The following RAD51 variants were observed in gnomAD, a reference collection of about 807,000 sequenced individuals.
RAD51 encodes DNA repair protein RAD51 homolog 1.
A neutral mutation model predicts 41.5 loss-of-function variants in RAD51; 14 were observed. That is an observed-to-expected ratio of 0.34 (90% CI 0.22 to 0.53). The LOEUF (loss-of-function observed/expected upper bound fraction) is 0.53. RAD51 is among the 20% of genes least tolerant of loss of function. The probability of loss-of-function intolerance (pLI) is 0.95; values close to 1 mark genes in which losing one functional copy is unlikely to be tolerated. For missense variants in RAD51, 234 were observed against 422.0 expected, an observed-to-expected ratio of 0.55 and a Z score of 3.90; for synonymous variants, 136 against 148.6, an observed-to-expected ratio of 0.92 and a Z score of 0.62.
intron 5 of RAD51, among the ~76,000 whole-genome samples, chr15:40,710,126 C>T (rs944936442): frequency 3.3e-5 from 5 of 151,250 alleles, no homozygotes; most frequent in South Asian, 2.1e-4. Flanking sequence ...CCTGTAGTCC[C>T]AGCTACTTGG....
chr15:40,706,143 A>C, intron 3 of RAD51, 34 bp from the exon 4 acceptor site: 2 of 1,498,846 alleles, frequency 1.3e-6, no homozygotes, highest in South Asian at 2.3e-5. Flanking sequence ...AAGGAATATT[A>C]TTTTGTTGAT....
chr15:40,729,963 A>C lies in RAD51; in HGVS notation c.885A>C (p.Ala295=), dbSNP rs779197451. The change falls in exon 9 of 10, where the codon GCA becomes GCC. Residue 295 remains alanine (A), a synonymous_variant. Transcript: ENST00000267868. Reference sequence around the variant, plus strand: ...TTGGAGGAAATATCATCGCCCATGCATCAACAACCAGGTAAGGTGTTGATG... The same window carrying C: ...TTGGAGGAAATATCATCGCCCATGCCTCAACAACCAGGTAAGGTGTTGATG... ...KPIGGNIIAH[A]STTRLYLRKG... is the part of the protein sequence containing the mutation. 1.9e-6 allele frequency: 3 copies of C among 1,614,100 alleles called. No individual in the cohort carries two copies. Among genetic ancestry groups the C allele is most frequent in the Non-Finnish European group, 2.5e-6 (3 of 1,180,018 alleles).
upstream of RAD51, chr15:40,695,071 C>G (rs1567034206): frequency 6.6e-6 from 1 of 152,372 alleles, no homozygotes; most frequent in Non-Finnish European, 1.5e-5. Context: ...GAGCTCCCGT[C>G]TTGGGTTAGC....
intron 3 of RAD51, among the ~76,000 whole-genome samples, 175 bp downstream of exon 3, chr15:40,701,376 C>CTTT (rs57054958): frequency 3.6e-5 from 4 of 109,974 alleles, no homozygotes; most frequent in Admixed American, 1.0e-4. Flanking sequence ...TTTTTTCTTT[C>CTTT]TTTTTTTTTT....
At chr15:40,711,160 C>G (rs905705250) in intron 5 of RAD51, among the ~76,000 whole-genome samples, 7 of 152,142 alleles carry the variant, frequency 4.6e-5, no homozygotes, top group African/African-American at 1.7e-4. Flanking sequence ...TTTGGGAAGC[C>G]AAAGTGGGAG....
rs984702179 is a variant in RAD51 at position 40,699,230 on chromosome 15, G to C, written c.87+385G>C. On this transcript the variant is annotated intron_variant, in intron 2 of 9. Coordinates refer to ENST00000267868, the MANE Select transcript of RAD51 (RefSeq NM_002875.5). ...GTGATCTCGGCTCACCGCAACCTCTGCGTCCCAGGTTCAAGCGATTCTCCT... is the reference window on the plus strand; with the variant it reads ...GTGATCTCGGCTCACCGCAACCTCTCCGTCCCAGGTTCAAGCGATTCTCCT... Among the ~76,000 whole-genome samples, 22 of 152,166 alleles carry C rather than the reference G, an allele frequency of 1.4e-4. No homozygotes were observed. In the East Asian group the frequency reaches 3.7e-3, roughly 25 times the overall value.
At chr15:40,696,849 A>G (rs934652110) in intron 1 of RAD51, among the ~76,000 whole-genome samples, 1 of 82,642 alleles carries the variant, frequency 1.2e-5, no homozygotes, top group Non-Finnish European at 3.5e-5. Flanking sequence ...TTCCTGATTA[A>G]TAATGATGTT....
chr15:40,724,670 A>ATTTGTTTTTTTTTTTTTTTTTTTTTT, intron 6 of RAD51, among the ~76,000 whole-genome samples: 1 of 72,028 alleles, frequency 1.4e-5, no homozygotes, highest in South Asian at 5.6e-4. Flanking sequence ...TAATTTTTTT[A>ATTTGTTTTTTTTTTTTTTTTTTTTTT]TTTCTTTTTT....
chr15:40,711,243 T>TA (rs1176242645), intron 5 of RAD51, among the ~76,000 whole-genome samples: 1 of 152,008 alleles, frequency 6.6e-6, no homozygotes, highest in African/African-American at 2.4e-5. Context: ...ATGCCATTTC[T>TA]AAAAACAAAC....
intron 6 of RAD51, among the ~76,000 whole-genome samples, chr15:40,724,359 C>T (rs1162669372): frequency 6.6e-6 from 1 of 152,034 alleles, no homozygotes; most frequent in Non-Finnish European, 1.5e-5. Context: ...TCTCTTGTAA[C>T]ATAAATAAGT....
intron 6 of RAD51, among the ~76,000 whole-genome samples, chr15:40,727,917 T>G (rs143833224): frequency 1.4e-5 from 2 of 147,834 alleles, no homozygotes; most frequent in Non-Finnish European, 3.0e-5. Context: ...TGGTGTGCAA[T>G]GGTATGATCT....
chr15:40,713,129 G>A (rs1387674648), intron 5 of RAD51, among the ~76,000 whole-genome samples: 15 of 151,290 alleles, frequency 9.9e-5, no homozygotes, highest in Non-Finnish European at 1.8e-4. Flanking sequence ...TAATCTGCCC[G>A]CCTTGGCCTC....
chr15:40,728,491 G>T (rs1403804892), intron 6 of RAD51, among the ~76,000 whole-genome samples: 1 of 151,928 alleles, frequency 6.6e-6, no homozygotes, highest in East Asian at 1.9e-4. Flanking sequence ...TTATCCCAAA[G>T]ACTTGCCAGG....
intron 6 of RAD51, among the ~76,000 whole-genome samples, chr15:40,727,500 G>C (rs1896646867): frequency 6.6e-6 from 1 of 151,914 alleles, no homozygotes; most frequent in Admixed American, 6.6e-5. Flanking sequence ...ATTTTTAGTA[G>C]AGATGGTGTT....
intron 6 of RAD51, among the ~76,000 whole-genome samples, chr15:40,724,263 T>G (rs1896428395): frequency 6.6e-6 from 1 of 152,212 alleles, no homozygotes; most frequent in South Asian, 2.1e-4. Flanking sequence ...CAAAATTGTT[T>G]TGGCAATCAT....
At chr15:40,730,213 T>C (rs1415304866) in intron 9 of RAD51, among the ~76,000 whole-genome samples, 1 of 152,150 alleles carries the variant, frequency 6.6e-6, no homozygotes, top group African/African-American at 2.4e-5. Context: ...TCCCCTGTTA[T>C]TTAAAAAATG....
rs1287150340 is a variant in RAD51, at chr15:40,708,926, T to C, written c.344-99T>C. 1.6e-5 allele frequency: 18 copies of C among 1,102,290 alleles called. No individual in the cohort carries two copies. The South Asian group carries it at 2.2e-4, about 13-fold the overall frequency. 68.3% of individuals were successfully genotyped at this position (1,102,290 alleles called of 1,614,324 possible). On this transcript the variant is annotated intron_variant, in intron 4 of 9. Transcript: ENST00000267868. ...CTTGTTGGAAATTGAATTTTTAACT[T>C]ACATAAACATCTTTCTGATGAGCTC...
chr15:40,726,986 T>C (rs1056681906), intron 6 of RAD51, among the ~76,000 whole-genome samples: 5 of 152,056 alleles, frequency 3.3e-5, no homozygotes, highest in African/African-American at 1.2e-4. Flanking sequence ...GTCCTGCTTC[T>C]GGAGCCTAAG....
intron 6 of RAD51, among the ~76,000 whole-genome samples, chr15:40,720,447 C>G (rs1465228389): frequency 6.6e-6 from 1 of 152,014 alleles, no homozygotes; most frequent in Non-Finnish European, 1.5e-5. Flanking sequence ...TGCCCACTTT[C>G]ACTATTTACA....
Sources: allele counts gnomAD v4.1 joint callset (sites outside exome capture counted in the v4.1 genomes callset), GRCh38; gene constraint gnomAD v4.1.1; transcripts MANE v1.5; gene names NCBI Gene and HGNC (gene_info 2026-07-23, HGNC 2026-07-21).